DBT: variants seen among roughly 807,000 people sequenced by gnomAD.
The protein encoded by DBT is lipoamide acyltransferase component of branched-chain alpha-keto acid dehydrogenase complex, mitochondrial.
A neutral mutation model predicts 51.3 loss-of-function variants in DBT; 40 were observed. That is an observed-to-expected ratio of 0.78 (90% CI 0.61 to 1.02). The LOEUF is 1.02. Ranked by LOEUF, DBT falls within the 50% of genes least tolerant of loss-of-function variation. The pLI is 0.00. For missense variants in DBT, 510 were observed against 580.2 expected, an observed-to-expected ratio of 0.88 and a Z score of 1.24; for synonymous variants, 181 against 190.4, an observed-to-expected ratio of 0.95 and a Z score of 0.41.
Position 100,230,795 on chromosome 1 carries a change from TTA to T in DBT, c.369_370del (p.Tyr123Ter). The T allele has an allele frequency of 6.2e-7, 1 of 1,611,540 alleles. No individual in the cohort carries two copies. The highest frequency in any genetic ancestry group is 8.5e-7 in the Non-Finnish European group (1 of 1,177,958). On this transcript the variant is annotated stop_gained and frameshift_variant, in exon 4 of 11. Transcript: ENST00000370132. LOFTEE classifies it high-confidence loss of function. The stretch of plus-strand genomic sequence containing the variant: ...CCCCACATAGGCAATATCGTCTAGA[TTA>T]TAATAGAGTTTTTTAATGACTCCAT...
chr1:100,244,544 G>A (rs1465773908), intron 1 of DBT, among the ~76,000 whole-genome samples: 1 of 152,088 alleles, frequency 6.6e-6, no homozygotes, highest in African/African-American at 2.4e-5. Context: ...AACTATTACC[G>A]TATTCCTCTC....
intron 1 of DBT, among the ~76,000 whole-genome samples, chr1:100,247,458 G>A (rs2100857759): frequency 6.6e-6 from 1 of 152,268 alleles, no homozygotes; most frequent in South Asian, 2.1e-4. Context: ...CAGCACTTTG[G>A]GAGGCCAAGG....
At position 100,195,343 on chromosome 1, in the gene DBT, T is replaced by C. The variant is rs947010166; in HGVS notation, c.*912A>G. 2 of 152,664 alleles carry C rather than the reference T, an allele frequency of 1.3e-5. No individual in the cohort carries two copies. The highest frequency in any genetic ancestry group is 2.4e-5 in the African/African-American group (1 of 41,464). The allele number at this position is 152,664 out of a possible 1,614,324, so 9.5% of individuals were successfully genotyped here. A position where few individuals can be genotyped will look rare whatever the true frequency, so the allele number is the denominator to read the frequency against. On this transcript the variant is annotated 3_prime_UTR_variant, in exon 11 of 11. Transcript: ENST00000370132. ...ATCCATTTTAAACAAACACCTTTAA[T>C]AGACTGGTTATAAAACTATAATTGG...
rs1372692673 is a variant in DBT, at chr1:100,191,816, G to C, written c.*4439C>G. 1.3e-5 allele frequency: 2 copies of C among 149,466 alleles called. No individual in the cohort carries two copies. The highest frequency in any genetic ancestry group is 5.0e-5 in the African/African-American group (2 of 39,616). The allele number at this position is 149,466 out of a possible 1,614,324, so 9.3% of individuals were successfully genotyped here. A position where few individuals can be genotyped will look rare whatever the true frequency, so the allele number is the denominator to read the frequency against. ...CACACACACACACACACAGAGTCTT[G>C]CTCTGTCGCCCAGGCTGGAGCGCAA... On this transcript the variant is annotated 3_prime_UTR_variant, in exon 11 of 11. Transcript: ENST00000370132.
intron 3 of DBT, among the ~76,000 whole-genome samples, chr1:100,233,644 A>G (rs1304221779): frequency 6.6e-6 from 1 of 152,186 alleles, no homozygotes; most frequent in Admixed American, 6.6e-5. Flanking sequence ...GAAAAAGTAC[A>G]CTCACCAGCA....
chr1:100,196,680 A>G (rs1661128437), intron 10 of DBT: 1 of 502,154 alleles, frequency 2.0e-6, no homozygotes, highest in South Asian at 2.9e-5. Flanking sequence ...ACCTACATTC[A>G]TTAACTTTCA....
chr1:100,238,211 CCCT>C (rs1283402266), intron 2 of DBT, among the ~76,000 whole-genome samples: 1 of 83,130 alleles, frequency 1.2e-5, no homozygotes, highest in African/African-American at 3.5e-5. Flanking sequence ...CCTCCTTCCT[CCCT>C]CGCTTCCTTT....
chr1:100,206,310 T>TTA lies in DBT; in HGVS notation c.1210-10_1210-9insTA. ...GCAAAGGTACCACCAATCTATTTTT[T>TTA]AAAAAAAAAAAAAGGAGAGTATTAA... is the stretch of plus-strand genomic sequence containing the variant. On this transcript the variant is annotated splice_polypyrimidine_tract_variant and intron_variant, in intron 9 of 10. Transcript: ENST00000370132. The TTA allele has an allele frequency of 7.7e-6, 11 of 1,432,140 alleles. No homozygotes were observed. The highest frequency in any genetic ancestry group is 2.5e-5 in the East Asian group (1 of 40,604). 88.7% of individuals were successfully genotyped at this position (1,432,140 alleles called of 1,614,324 possible).
At chr1:100,212,813 C>T (rs1276072796) in intron 7 of DBT, among the ~76,000 whole-genome samples, 1 of 152,036 alleles carries the variant, frequency 6.6e-6, no homozygotes, top group Non-Finnish European at 1.5e-5. Flanking sequence ...TTATGGGTAC[C>T]TTAATATGAG....
chr1:100,208,910 CAAAAA>C (rs11369687), intron 8 of DBT, among the ~76,000 whole-genome samples: 1 of 109,440 alleles, frequency 9.1e-6, no homozygotes, highest in Non-Finnish European at 1.9e-5. Context: ...GACTCTGTAT[CAAAAA>C]AAAAAAAAAA....
intron 7 of DBT, 112 bp downstream of exon 7, chr1:100,214,705 G>C (rs779407647): frequency 8.4e-6 from 9 of 1,072,364 alleles, no homozygotes; most frequent in Non-Finnish European, 1.3e-5. Flanking sequence ...AGTGAGCCGA[G>C]ATTGTGCCAT....
At chr1:100,221,523 T>C (rs928612746) in intron 4 of DBT, among the ~76,000 whole-genome samples, 4 of 152,122 alleles carry the variant, frequency 2.6e-5, no homozygotes, top group African/African-American at 9.7e-5. Flanking sequence ...ATGTTACCAA[T>C]GTAGAAACGG....
At chr1:100,206,336 A>C in intron 9 of DBT, 35 bp from the exon 10 acceptor site, 1 of 1,590,682 alleles carries the variant, frequency 6.3e-7, no homozygotes, top group Non-Finnish European at 8.6e-7. Context: ...AGAGTATTAA[A>C]AGTTAAGATT....
At chr1:100,197,118 A>G (rs74769216) in intron 10 of DBT, 5,871 of 153,968 alleles carry the variant, frequency 0.038, 130 homozygotes, top group South Asian at 0.052. Flanking sequence ...GACAAAATAT[A>G]AGCCCCAACT....
intron 4 of DBT, among the ~76,000 whole-genome samples, chr1:100,225,049 A>ATGTG (rs1553231609): frequency 2.4e-5 from 2 of 84,176 alleles, no homozygotes; most frequent in South Asian, 4.0e-4. Flanking sequence ...AAAAATATAT[A>ATGTG]TATACACACA....
In DBT at chr1:100,216,016, A is replaced by G. The variant is rs1403160365; in HGVS notation, c.739T>C (p.Phe247Leu). ...VPILVSKPPV[F>L]TGKDKTEPIK... ...GGTTCTGTTTTGTCTTTGCCTGTGA[A>G]TACCGGAGGTTTTGATACTAGTATA... Residue 247 changes from phenylalanine to leucine, a missense_variant, in exon 6 of 11, where the codon TTC becomes CTC. By Grantham distance (22) the Phe-to-Leu change is conservative (BLOSUM62 0). Coordinates refer to ENST00000370132, the MANE Select transcript of DBT (RefSeq NM_001918.5). The G allele has an allele frequency of 3.7e-6, 6 of 1,610,542 alleles. No individual in the cohort carries two copies. The highest frequency in any genetic ancestry group is 1.7e-5 in the Admixed American group (1 of 60,006).
intron 9 of DBT, 51 bp from the exon 10 acceptor site, chr1:100,206,352 G>T: frequency 6.4e-7 from 1 of 1,570,520 alleles, no homozygotes. Flanking sequence ...AGATTTTTCA[G>T]GGAACAAATG....
At chr1:100,213,823 T>G (rs1457916399) in intron 7 of DBT, among the ~76,000 whole-genome samples, 1 of 152,184 alleles carries the variant, frequency 6.6e-6, no homozygotes, top group Non-Finnish European at 1.5e-5. Context: ...TCCCGGAGCG[T>G]GGAGAGGCAG....
chr1:100,211,201 G>A (rs1428521232), intron 7 of DBT: 7 of 742,986 alleles, frequency 9.4e-6, no homozygotes, highest in Admixed American at 1.9e-5. Context: ...ATTTCAAAGC[G>A]CACTGACCAG....
Sources: gnomAD v4.1 joint callset for allele counts (sites outside exome capture counted in the v4.1 genomes callset) on GRCh38, gnomAD v4.1.1 for gene constraint, MANE v1.5 for transcripts, NCBI Gene and HGNC (gene_info 2026-07-23, HGNC 2026-07-21) for gene names.